Variants in NMB observed in about 807,000 individuals in gnomAD.
The protein encoded by NMB is neuromedin-B.
Under a neutral mutation model 11.7 loss-of-function variants are expected in NMB, and 12 were observed. The observed-to-expected ratio is 1.03, with a 90% CI of 0.66 to 1.66. The LOEUF (loss-of-function observed/expected upper bound fraction) is 1.66, where lower values mean the gene tolerates loss of function less well. NMB is among the 40% of genes most tolerant of loss of function. The probability of loss-of-function intolerance (pLI) is 0.00; values close to 1 mark genes in which losing one functional copy is unlikely to be tolerated. For missense variants in NMB, 174 were observed against 157.9 expected (o/e 1.10, Z -0.55); for synonymous variants, 76 against 72.6 (o/e 1.05, Z -0.24).
rs371832572 is a variant in NMB at position 84,657,243 on chromosome 15, A to G, written c.263T>C (p.Leu88Pro). ...RDQRLQLSHD[L>P]LGILLLKKAL... ...CTTCTTTAGCAGGAGGATTCCGAGCAGATCATGACTCAGCTGCAGTCGCTG... is the reference window on the plus strand; with the variant it reads ...CTTCTTTAGCAGGAGGATTCCGAGCGGATCATGACTCAGCTGCAGTCGCTG... Residue 88 changes from leucine to proline, a missense_variant, in exon 2 of 3, where the codon CTG (leucine) becomes CCG (proline). Transcript: ENST00000360476. The G allele has an allele frequency of 6.8e-6, 11 of 1,610,318 alleles. No homozygotes were observed. Among genetic ancestry groups the G allele is most frequent in the South Asian group, 1.1e-5 (1 of 90,194 alleles).
In NMB at chr15:84,657,981, T is replaced by C; in HGVS notation, c.157+15A>G. 2 of 1,587,180 alleles carry C rather than the reference T, an allele frequency of 1.3e-6. No homozygotes were observed. The highest frequency in any genetic ancestry group is 8.6e-7 in the Non-Finnish European group (1 of 1,168,586). ...GGATGAGGGGCGCTTGCTTGCTCCG[T>C]CCCCAAAGACTTACCGGTGGCCCAG... On this transcript the variant is annotated intron_variant, in intron 1 of 2. Coordinates refer to ENST00000360476, the MANE Select transcript of NMB (RefSeq NM_021077.4).
intron 2 of NMB, 112 bp from the exon 3 acceptor site, chr15:84,655,521 G>A: frequency 1.4e-6 from 2 of 1,394,142 alleles, no homozygotes; most frequent in East Asian, 2.3e-5. Context: ...CCAGCAGGCT[G>A]TCAGCTGAGG....
chr15:84,657,872 C>T, intron 1 of NMB, 124 bp downstream of exon 1: 1 of 1,144,656 alleles, frequency 8.7e-7, no homozygotes, highest in East Asian at 3.0e-5. Context: ...ATTAGATGAG[C>T]CCCAGGGTTT....
At position 84,657,990 on chromosome 15, in the gene NMB, A is replaced by G; in HGVS notation, c.157+6T>C. 2 of 1,589,912 alleles carry G rather than the reference A, an allele frequency of 1.3e-6. No individual in the cohort carries two copies. The highest frequency in any genetic ancestry group is 2.2e-5 in the South Asian group (2 of 89,530). ...GCGCTTGCTTGCTCCGTCCCCAAAG[A>G]CTTACCGGTGGCCCAGAGGTTGCCT... On this transcript the variant is annotated splice_donor_region_variant and intron_variant, in intron 1 of 2. Coordinates refer to ENST00000360476, the MANE Select transcript of NMB (RefSeq NM_021077.4).
chr15:84,657,421 T>C, intron 1 of NMB, 73 bp from the exon 2 acceptor site: 1 of 1,316,028 alleles, frequency 7.6e-7, no homozygotes, highest in Non-Finnish European at 1.0e-6. Flanking sequence ...GTTCCTCATC[T>C]CTCCCACGTT....
At chr15:84,657,778 A>G (rs748395072) in intron 1 of NMB, among the ~76,000 whole-genome samples, 2 of 152,132 alleles carry the variant, frequency 1.3e-5, no homozygotes, top group African/African-American at 2.4e-5. Context: ...GGGATTTAGG[A>G]TCTAGCCCAG....
intron 1 of NMB, 75 bp downstream of exon 1, chr15:84,657,921 G>T: frequency 6.7e-7 from 1 of 1,483,316 alleles, no homozygotes; most frequent in South Asian, 1.3e-5. Flanking sequence ...GCTGAGGAGC[G>T]GCCAGAGGGT....
Position 84,657,286 on chromosome 15 carries a change from G to GTTACTTTA in NMB, c.219_220insTAAAGTAA (p.His74Ter). 6.2e-7 allele frequency: 1 copy of GTTACTTTA among 1,602,138 alleles called. No homozygotes were observed. On this transcript the variant is annotated stop_gained and frameshift_variant, in exon 2 of 3. Transcript: ENST00000360476. LOFTEE classifies it high-confidence loss of function. ...AGTCGCTGGTCCCTCAGGGAGGTGTGGGGAGCTGTCCCCAATGGGGATGGG... is the reference window on the plus strand; with the variant it reads ...AGTCGCTGGTCCCTCAGGGAGGTGTGTTACTTTAGGGAGCTGTCCCCAATGGGGATGGG...
rs2141853255 is a variant in NMB at position 84,657,236 on chromosome 15, T to C, written c.270A>G (p.Gly90=). Residue 90 remains glycine (G), a synonymous_variant, in exon 2 of 3, where the codon GGA becomes GGG. Transcript: ENST00000360476. ...QRLQLSHDLL[G]ILLLKKALGV... ...CCAGAGCCTTCTTTAGCAGGAGGAT[T>C]CCGAGCAGATCATGACTCAGCTGCA... The C allele has an allele frequency of 1.9e-6, 3 of 1,611,114 alleles. No individual in the cohort carries two copies. Among genetic ancestry groups the C allele is most frequent in the Non-Finnish European group, 2.5e-6 (3 of 1,178,800 alleles).
chr15:84,656,709 ACT>A (rs977908324), intron 2 of NMB, among the ~76,000 whole-genome samples: 18 of 151,588 alleles, frequency 1.2e-4, no homozygotes, highest in African/African-American at 4.4e-4. Context: ...CAAGGTCCAG[ACT>A]CTGTCTTGGC....
At chr15:84,657,895 G>T in intron 1 of NMB, 101 bp downstream of exon 1, 3 of 1,355,224 alleles carry the variant, frequency 2.2e-6, no homozygotes, top group South Asian at 3.0e-5. Context: ...CACCTGCTCC[G>T]ACACTAGTGT....
In NMB at chr15:84,655,349, T is replaced by G; in HGVS notation, c.*25A>C. 1 of 1,614,216 alleles carries G rather than the reference T, an allele frequency of 6.2e-7. No individual in the cohort carries two copies. On this transcript the variant is annotated 3_prime_UTR_variant, in exon 3 of 3. Transcript: ENST00000360476. ...TGGGTGGGCACAATCTAAGCCACGC[T>G]GTTGTGTCTGCCCCATTATTGGTGT...
chr15:84,656,526 T>G (rs896934209), intron 2 of NMB, among the ~76,000 whole-genome samples: 2 of 149,370 alleles, frequency 1.3e-5, no homozygotes, highest in African/African-American at 5.0e-5. Context: ...AAGATGCTAC[T>G]GGCATCTAGT....
intron 1 of NMB, among the ~76,000 whole-genome samples, chr15:84,657,648 G>C (rs892264711): frequency 2.0e-5 from 3 of 152,188 alleles, no homozygotes; most frequent in Non-Finnish European, 4.4e-5. Flanking sequence ...GGACGAAAAA[G>C]GGCAGGGTAG....
intron 1 of NMB, 81 bp from the exon 2 acceptor site, chr15:84,657,429 G>A: frequency 7.8e-7 from 1 of 1,286,192 alleles, no homozygotes; most frequent in Non-Finnish European, 1.0e-6. Flanking sequence ...TCTCTCCCAC[G>A]TTTCCGTTCT....
intron 2 of NMB, 99 bp from the exon 3 acceptor site, chr15:84,655,508 G>T: frequency 6.7e-7 from 1 of 1,483,434 alleles, no homozygotes; most frequent in Non-Finnish European, 9.3e-7. Flanking sequence ...GCAGAGGTGG[G>T]CACCAGCAGG....
At chr15:84,656,447 C>A (rs1423378642) in intron 2 of NMB, among the ~76,000 whole-genome samples, 2 of 150,990 alleles carry the variant, frequency 1.3e-5, no homozygotes, top group Non-Finnish European at 2.9e-5. Flanking sequence ...TGATTTGGGG[C>A]CCTCTCCCCC....
intron 2 of NMB, among the ~76,000 whole-genome samples, chr15:84,656,743 C>T (rs1202780174): frequency 6.6e-6 from 1 of 152,024 alleles, no homozygotes; most frequent in Non-Finnish European, 1.5e-5. Context: ...CTTTCCCTCT[C>T]TGGGCCTCAG....
In NMB at chr15:84,655,372, T is replaced by G; in HGVS notation, c.*2A>C. ...GCTGTTGTGTCTGCCCCATTATTGG[T>G]GTCATTTCTGCAGTATTTGTACCAG... On this transcript the variant is annotated 3_prime_UTR_variant, in exon 3 of 3. Transcript: ENST00000360476. 1 of 1,614,172 alleles carries G rather than the reference T, an allele frequency of 6.2e-7. No individual in the cohort carries two copies.
Sources: gnomAD v4.1 joint callset for allele counts (sites outside exome capture counted in the v4.1 genomes callset) on GRCh38, gnomAD v4.1.1 for gene constraint, MANE v1.5 for transcripts, NCBI Gene and HGNC (gene_info 2026-07-23, HGNC 2026-07-21) for gene names.